The following OSBPL10 variants were observed in gnomAD, a reference collection of about 807,000 sequenced individuals.
OSBPL10 encodes oxysterol-binding protein-related protein 10.
A neutral mutation model predicts 81.7 loss-of-function variants in OSBPL10; 49 were observed. The observed-to-expected ratio is 0.60, with a 90% CI of 0.48 to 0.76. The LOEUF (loss-of-function observed/expected upper bound fraction) is 0.76. Ranked by LOEUF, OSBPL10 falls within the 30% of genes least tolerant of loss-of-function variation. The pLI is 0.00. For missense variants in OSBPL10, 923 were observed against 987.8 expected, an observed-to-expected ratio of 0.93 and a Z score of 0.88; for synonymous variants, 419 against 383.6, an observed-to-expected ratio of 1.09 and a Z score of -1.08.
intron 6 of OSBPL10, among the ~76,000 whole-genome samples, chr3:31,712,253 C>T (rs930504889): frequency 6.6e-6 from 1 of 152,238 alleles, no homozygotes; most frequent in Non-Finnish European, 1.5e-5. Flanking sequence ...TGAACTCTAG[C>T]TTTGTGCACC....
chr3:31,959,924 A>G (rs1698112448), intron 1 of OSBPL10, among the ~76,000 whole-genome samples: 2 of 152,198 alleles, frequency 1.3e-5, no homozygotes, highest in Admixed American at 1.3e-4. Context: ...AAAAGGATAC[A>G]GGAAAAATGC....
rs1003685751 is a variant in OSBPL10, at chr3:31,767,893, C to T, written c.730-19773G>A. Among the ~76,000 whole-genome samples, 3 of 152,160 alleles carry T rather than the reference C, an allele frequency of 2.0e-5. No homozygotes were observed. The East Asian group carries it at 5.8e-4, about 29-fold the overall frequency. On this transcript the variant is annotated intron_variant, in intron 4 of 11. Transcript: ENST00000396556. ...GGGAGGTCACATGGGTCGTTGGCTT[C>T]ATGTAGAAAGGAATTCAAAAGCCAG... is the stretch of plus-strand genomic sequence containing the variant.
chr3:31,879,683 A>G lies in OSBPL10; in HGVS notation c.429T>C (p.Ser143=). Residue 143 remains serine, a synonymous_variant, in exon 2 of 12, where the codon TCT becomes TCC. Transcript: ENST00000396556. The part of the protein sequence containing the change: ...DEAPHMLVVY[S]ANGEMFKLRA... ...TCAGTTTAAACATCTCTCCATTAGC[A>G]GAGTACACCACCAGCATGTGGGGAG... 6.2e-7 allele frequency: 1 copy of G among 1,613,918 alleles called. No individual in the cohort carries two copies.
intron 1 of OSBPL10, among the ~76,000 whole-genome samples, chr3:31,950,102 G>A (rs1044198109): frequency 2.0e-5 from 3 of 152,072 alleles, no homozygotes; most frequent in African/African-American, 7.2e-5. Flanking sequence ...ACTGAGCAGT[G>A]GGCAGCATAA....
chr3:31,856,192 G>A (rs992081074), intron 3 of OSBPL10, among the ~76,000 whole-genome samples: 104 of 151,492 alleles, frequency 6.9e-4, no homozygotes, highest in African/African-American at 2.5e-3. Flanking sequence ...CAGGCAAGGC[G>A]GGCAGCCAAA....
At chr3:31,808,945 G>A (rs950375458) in intron 4 of OSBPL10, among the ~76,000 whole-genome samples, 1 of 152,096 alleles carries the variant, frequency 6.6e-6, no homozygotes, top group Non-Finnish European at 1.5e-5. Context: ...TCTGGACTTC[G>A]TAAAACTCTT....
upstream of OSBPL10, among the ~76,000 whole-genome samples, chr3:31,984,197 G>C (rs1698901670): frequency 6.6e-6 from 1 of 151,998 alleles, no homozygotes; most frequent in Admixed American, 6.6e-5. Context: ...CTGCCACCAT[G>C]CCCAGCTAAT....
At chr3:31,913,112 G>A (rs1696638295) in intron 1 of OSBPL10, among the ~76,000 whole-genome samples, 1 of 152,112 alleles carries the variant, frequency 6.6e-6, no homozygotes. Context: ...ATATATAATA[G>A]ACTCTGTGCT....
chr3:32,019,703 T>C (rs559383703), intron 2 of OSBPL10, among the ~76,000 whole-genome samples: 1 of 152,368 alleles, frequency 6.6e-6, no homozygotes, highest in African/African-American at 2.4e-5. Context: ...ACACAATTTT[T>C]AATGATGCAA....
intron 1 of OSBPL10, among the ~76,000 whole-genome samples, chr3:31,954,111 C>T (rs1023661603): frequency 1.4e-4 from 22 of 152,312 alleles, no homozygotes; most frequent in African/African-American, 5.1e-4. Context: ...TCCTTTAACC[C>T]TAGAACAATT....
intron 4 of OSBPL10, among the ~76,000 whole-genome samples, chr3:31,768,594 T>C (rs1340124246): frequency 6.6e-6 from 1 of 152,128 alleles, no homozygotes; most frequent in Non-Finnish European, 1.5e-5. Context: ...CATATTTCAC[T>C]CCAGGGATAA....
At position 31,958,055 on chromosome 3, in the gene OSBPL10, T is replaced by G. The variant is rs149585959; in HGVS notation, c.281+22844A>C. Among the ~76,000 whole-genome samples the G allele has an allele frequency of 5.4e-4, 82 of 152,258 alleles. 1 individual carries two copies. In the East Asian group the frequency reaches 0.014, roughly 25 times the overall value. On this transcript the variant is annotated intron_variant, in intron 1 of 11. Transcript: ENST00000396556. ...CACCAGCTAAGAAGGAAGAAAAAAA[T>G]TAAACGTGTGCTATGTCTTAGCCTT...
At chr3:31,732,469 A>G (rs1575507161) in intron 6 of OSBPL10, 1 of 152,252 alleles carries the variant, frequency 6.6e-6, no homozygotes, top group Non-Finnish European at 1.5e-5. Flanking sequence ...ATGGAAATTA[A>G]GAACAACCTC....
rs114485182 is a variant in OSBPL10 at position 31,661,001 on chromosome 3, A to G, written c.*1071T>C. On this transcript the variant is annotated 3_prime_UTR_variant, in exon 12 of 12. Coordinates refer to ENST00000396556, the MANE Select transcript of OSBPL10 (RefSeq NM_017784.5). ...AAATTAAGCATTCAGCAAAAACCAG[A>G]TATTTCATTTTTTCCTTGCTTTGTA... is the stretch of plus-strand genomic sequence containing the variant. 37 of 152,772 alleles carry G rather than the reference A, an allele frequency of 2.4e-4. No homozygotes were observed. The highest frequency in any genetic ancestry group is 8.9e-4 in the African/African-American group (37 of 41,578). The allele number at this position is 152,772 out of a possible 1,614,324, so 9.5% of individuals were successfully genotyped here.
At position 31,683,983 on chromosome 3, in the gene OSBPL10, A is replaced by G; in HGVS notation, c.1377T>C (p.Val459=). 6.2e-7 allele frequency: 1 copy of G among 1,614,246 alleles called. No individual in the cohort carries two copies. The highest frequency in any genetic ancestry group is 8.5e-7 in the Non-Finnish European group (1 of 1,180,044). ...ATPEERVICF[V]EYYLTAFHEG... is the part of the protein sequence containing the mutation. ...CGTGAAAGGCTGTGAGATAATACTC[A>G]ACGAAGCAAATGACTCTCTCCTCTG... is the stretch of plus-strand genomic sequence containing the variant. The change falls in exon 8 of 12, where the codon GTT becomes GTC. Residue 459 remains valine, a synonymous_variant. Coordinates refer to ENST00000396556, the MANE Select transcript of OSBPL10 (RefSeq NM_017784.5).
intron 1 of OSBPL10, among the ~76,000 whole-genome samples, chr3:31,939,465 A>C (rs1278275060): frequency 6.6e-6 from 1 of 151,458 alleles, no homozygotes; most frequent in African/African-American, 2.4e-5. Flanking sequence ...TTAAAAAAAA[A>C]AAACAAAAAA....
intron 6 of OSBPL10, among the ~76,000 whole-genome samples, chr3:31,715,910 A>G (rs1196482211): frequency 6.6e-6 from 1 of 152,214 alleles, no homozygotes; most frequent in Admixed American, 6.5e-5. Flanking sequence ...ATTCTTTCGG[A>G]ACTGTACACT....
intron 4 of OSBPL10, among the ~76,000 whole-genome samples, chr3:31,822,756 T>TA (rs543388256): frequency 2.9e-3 from 432 of 150,946 alleles, no homozygotes; most frequent in Non-Finnish European, 3.8e-3. Context: ...CAAAAAACTT[T>TA]AAAAAAAATT....
Position 31,830,164 on chromosome 3 carries a change from G to A in OSBPL10, c.605C>T (p.Pro202Leu), listed in dbSNP as rs150081299. The A allele has an allele frequency of 1.7e-4, 273 of 1,614,160 alleles. 2 individuals are homozygous for A. In the African/African-American group the frequency reaches 3.2e-3, roughly 19 times the overall value. ...LPHGTPNSAS[P>L]CSQRHLSVGA... ...CACACTGAGGTGTCTCTGGCTACAG[G>A]GAGACGCAGAATTGGGTGTTCCATG... The change falls in exon 4 of 12, where the codon CCC becomes CTC. Residue 202 changes from proline to leucine, a missense_variant. Coordinates refer to ENST00000396556, the MANE Select transcript of OSBPL10 (RefSeq NM_017784.5).
Sources: allele counts gnomAD v4.1 joint callset (sites outside exome capture counted in the v4.1 genomes callset), GRCh38; gene constraint gnomAD v4.1.1; transcripts MANE v1.5; gene names NCBI Gene and HGNC (gene_info 2026-07-23, HGNC 2026-07-21).